SPG7: variants seen among roughly 807,000 people sequenced by gnomAD.
SPG7 encodes mitochondrial inner membrane m-AAA protease component paraplegin.
A neutral mutation model predicts 81.9 loss-of-function variants in SPG7; 103 were observed. That is an observed-to-expected ratio of 1.26 (90% CI 1.07 to 1.48). SPG7 has a LOEUF of 1.48. SPG7 is among the 40% of genes most tolerant of loss of function. The pLI, the probability that SPG7 is intolerant of heterozygous loss-of-function variation, is 0.00. For missense variants in SPG7, 1,241 were observed against 1,087.3 expected (o/e 1.14, Z -1.99); for synonymous variants, 534 against 444.2 (o/e 1.20, Z -2.54).
In SPG7 at chr16:89,508,551, C is replaced by G. The variant is rs1304355672; in HGVS notation, c.134C>G (p.Ala45Gly). ...CCCGGGAGGGGGCGGCCGTACATGGCCAGCAGGCCTCCGGGGGACCTCGCC... is the reference window on the plus strand; with the variant it reads ...CCCGGGAGGGGGCGGCCGTACATGGGCAGCAGGCCTCCGGGGGACCTCGCC... The part of the protein sequence containing the change: ...ARPGRGRPYM[A>G]SRPPGDLAEA... The change falls in exon 1 of 17, where the codon GCC becomes GGC. Residue 45 changes from alanine to glycine, a missense_variant. Transcript: ENST00000645818. 6.6e-7 allele frequency: 1 copy of G among 1,506,746 alleles called. No individual in the cohort carries two copies. The highest frequency in any genetic ancestry group is 1.2e-5 in the South Asian group (1 of 80,836). The allele number at this position is 1,506,746 out of a possible 1,614,324, so 93.3% of individuals were successfully genotyped here.
At chr16:89,537,453 C>A in intron 9 of SPG7, 1 of 1,012,100 alleles carries the variant, frequency 9.9e-7, no homozygotes. Flanking sequence ...ACGTAGTCAT[C>A]CCCTGGTGGT....
At chr16:89,543,614 A>AG (rs1186344925) in intron 9 of SPG7, 1 of 147,326 alleles carries the variant, frequency 6.8e-6, no homozygotes, top group Non-Finnish European at 1.5e-5. Context: ...CTGGGATTAC[A>AG]GGCGTGAGCC....
chr16:89,548,272 T>TG (rs1366534951), intron 12 of SPG7, 159 bp downstream of exon 12: 9 of 614,554 alleles, frequency 1.5e-5, no homozygotes, highest in Non-Finnish European at 2.4e-5. Flanking sequence ...TATGATACCT[T>TG]GTACTTTTCC....
At chr16:89,541,286 G>A (rs1028560241) in intron 9 of SPG7, 4 of 985,358 alleles carry the variant, frequency 4.1e-6, no homozygotes, top group Admixed American at 1.2e-4. Context: ...TCCTTATCAT[G>A]GTGTTCTATG....
chr16:89,556,640 T>C (rs1367884297), intron 16 of SPG7: 2 of 527,362 alleles, frequency 3.8e-6, no homozygotes, highest in Non-Finnish European at 6.9e-6. Flanking sequence ...TTGCCAAAAA[T>C]AAGCCAAGAT....
chr16:89,508,683 G>A, intron 1 of SPG7, 83 bp downstream of exon 1: 1 of 1,326,522 alleles, frequency 7.5e-7, no homozygotes, highest in Non-Finnish European at 1.0e-6. Context: ...GTCGGAGGCC[G>A]CCTGGCCCCT....
chr16:89,545,924 C>T (rs1291087177), intron 10 of SPG7: 1 of 452,832 alleles, frequency 2.2e-6, no homozygotes, highest in African/African-American at 2.0e-5. Flanking sequence ...GCGATCACCA[C>T]TCACTGCGGC....
rs1483508370 is a variant in SPG7, at chr16:89,544,775, CAG to C, written c.1449+6_1449+7del. On this transcript the variant is annotated splice_donor_5th_base_variant and intron_variant, in intron 10 of 16. Transcript: ENST00000645818. ...TCATTGATCTCCCCACGCTGCAGGT[CAG>C]AGCCAGGATCCCAGCCTCTCCCACT... is the stretch of plus-strand genomic sequence containing the variant. 4.4e-5 allele frequency: 71 copies of C among 1,613,902 alleles called. No homozygotes were observed. Among genetic ancestry groups the C allele is most frequent in the Non-Finnish European group, 5.9e-5 (70 of 1,179,958 alleles).
chr16:89,534,195 T>TC (rs2058382506), intron 9 of SPG7, among the ~76,000 whole-genome samples: 1 of 152,296 alleles, frequency 6.6e-6, no homozygotes, highest in Admixed American at 6.5e-5. Context: ...GCAGCCTGTG[T>TC]CCCGCTGTCT....
chr16:89,530,603 G>T, intron 6 of SPG7, 80 bp from the exon 7 acceptor site: 2 of 1,570,514 alleles, frequency 1.3e-6, no homozygotes, highest in Non-Finnish European at 1.8e-6. Context: ...GGCGGCTCAG[G>T]TGCGTGGGCT....
At chr16:89,553,216 G>T in intron 14 of SPG7, 81 bp downstream of exon 14, 2 of 1,330,788 alleles carry the variant, frequency 1.5e-6, no homozygotes, top group Non-Finnish European at 2.1e-6. Flanking sequence ...GCATGCCATG[G>T]GGTGAATCTG....
In SPG7 at chr16:89,537,344, G is replaced by A. The variant is rs141947388; in HGVS notation, c.1324+4708G>A. The A allele has an allele frequency of 5.7e-5, 67 of 1,172,484 alleles. 1 individual carries two copies. In the East Asian group the frequency reaches 3.2e-3, roughly 56 times the overall value. The allele number at this position is 1,172,484 out of a possible 1,614,324, so 72.6% of individuals were successfully genotyped here. A position where few individuals can be genotyped will look rare whatever the true frequency, so the allele number is the denominator to read the frequency against. On this transcript the variant is annotated intron_variant, in intron 9 of 16. Coordinates refer to ENST00000645818, the MANE Select transcript of SPG7 (RefSeq NM_003119.4). ...AGGCACCGCCGGCGATGGACGTCCA[G>A]GTCCCGGCTCCTGTGCTGGAAAGCG...
intron 9 of SPG7, chr16:89,539,344 A>T (rs933807223): frequency 1.3e-5 from 2 of 152,062 alleles, no homozygotes; most frequent in African/African-American, 4.8e-5. Context: ...TACTAAAAAT[A>T]CAAAATTAGC....
chr16:89,536,914 T>C (rs377537880), intron 9 of SPG7: 18 of 1,614,188 alleles, frequency 1.1e-5, no homozygotes, highest in Middle Eastern at 1.6e-4. Flanking sequence ...GCACTGAAGA[T>C]AGAGACCACC....
At chr16:89,510,826 G>C (rs374938916) in intron 2 of SPG7, among the ~76,000 whole-genome samples, 2 of 152,088 alleles carry the variant, frequency 1.3e-5, no homozygotes, top group African/African-American at 2.4e-5. Context: ...CGTCACACTC[G>C]GCTAATTGTT....
At chr16:89,539,538 C>G (rs535202615) in intron 9 of SPG7, 1 of 152,242 alleles carries the variant, frequency 6.6e-6, no homozygotes, top group African/African-American at 2.4e-5. Flanking sequence ...TTGCCTATTC[C>G]TAGATCCTAA....
At chr16:89,550,347 AT>A (rs1784561867) in intron 12 of SPG7, 146 bp from the exon 13 acceptor site, 1 of 674,984 alleles carries the variant, frequency 1.5e-6, no homozygotes, top group Non-Finnish European at 2.7e-6. Context: ...TAATTTTTCT[AT>A]TTTTAGTAGG....
At chr16:89,545,116 A>C (rs765093681) in intron 10 of SPG7, 1 of 370,876 alleles carries the variant, frequency 2.7e-6, no homozygotes, top group East Asian at 6.6e-5. Context: ...TTTGAAACAA[A>C]ATCCAGGAGG....
intron 16 of SPG7, 44 bp from the exon 17 acceptor site, chr16:89,556,843 G>T (rs138806649): frequency 3.4e-6 from 5 of 1,464,830 alleles, no homozygotes; most frequent in Non-Finnish European, 4.8e-6. Context: ...GAGATGCTCT[G>T]TCTGCCCTGG....
Sources: allele counts gnomAD v4.1 joint callset (sites outside exome capture counted in the v4.1 genomes callset), GRCh38; gene constraint gnomAD v4.1.1; transcripts MANE v1.5; gene names NCBI Gene and HGNC (gene_info 2026-07-23, HGNC 2026-07-21).